The following EPHA3 variants were observed in gnomAD, a reference collection of about 807,000 sequenced individuals.
The protein encoded by EPHA3 is ephrin type-A receptor 3.
EPHA3 carries 42 observed loss-of-function variants against 107.1 expected under a neutral mutation model. The ratio of observed to expected loss-of-function variants is 0.39; its 90% CI spans 0.31 to 0.51. EPHA3 has a LOEUF of 0.51. EPHA3 is among the 20% of genes least tolerant of loss of function. EPHA3 has a pLI of 0.78. For synonymous variants in EPHA3, 461 were observed against 424.8 expected (o/e 1.09, Z -1.05); for missense variants, 1,183 against 1,211.2 (o/e 0.98, Z 0.35).
intron 3 of EPHA3, among the ~76,000 whole-genome samples, chr3:89,282,171 T>TTC (rs1389035823): frequency 1.3e-5 from 2 of 152,142 alleles, no homozygotes; most frequent in African/African-American, 4.8e-5. Flanking sequence ...TTTCTGACAT[T>TTC]TCTCATGCTT....
chr3:89,206,041 G>C (rs1423177632), intron 2 of EPHA3, among the ~76,000 whole-genome samples: 2 of 152,032 alleles, frequency 1.3e-5, no homozygotes, highest in African/African-American at 4.8e-5. Flanking sequence ...TATTTCTACT[G>C]TCTTTAGTCC....
chr3:89,348,413 G>T (rs1707725855), intron 5 of EPHA3, among the ~76,000 whole-genome samples: 1 of 108,586 alleles, frequency 9.2e-6, no homozygotes, highest in Non-Finnish European at 1.8e-5. Context: ...AGAGGTGTTT[G>T]TAGTATTCTC....
chr3:89,428,156 G>A (rs1209273655), intron 11 of EPHA3, among the ~76,000 whole-genome samples: 2 of 151,854 alleles, frequency 1.3e-5, no homozygotes, highest in Non-Finnish European at 1.5e-5. Flanking sequence ...TAGCACCTTT[G>A]TGTCTGATGC....
chr3:89,239,805 C>A (rs550344809), intron 3 of EPHA3, among the ~76,000 whole-genome samples: 117 of 152,336 alleles, frequency 7.7e-4, no homozygotes, highest in African/African-American at 2.8e-3. Context: ...GCCTTTCTGA[C>A]TTACATCACA....
chr3:89,378,268 T>A (rs542580922), intron 5 of EPHA3, among the ~76,000 whole-genome samples: 27 of 152,194 alleles, frequency 1.8e-4, no homozygotes, highest in East Asian at 7.7e-4. Flanking sequence ...TAATAAAAAA[T>A]TTTTTAAGTG....
At chr3:89,182,535 G>T (rs959162373) in intron 2 of EPHA3, among the ~76,000 whole-genome samples, 1 of 151,486 alleles carries the variant, frequency 6.6e-6, no homozygotes, top group Non-Finnish European at 1.5e-5. Flanking sequence ...ATTTACAAAA[G>T]GTATGCCTTA....
chr3:89,374,705 CA>C (rs1708369396), intron 5 of EPHA3, among the ~76,000 whole-genome samples: 1 of 151,428 alleles, frequency 6.6e-6, no homozygotes, highest in Non-Finnish European at 1.5e-5. Flanking sequence ...GTTTGAGGGC[CA>C]ATTGTCATGA....
intron 5 of EPHA3, among the ~76,000 whole-genome samples, chr3:89,380,062 G>A (rs1478077323): frequency 6.6e-6 from 1 of 152,118 alleles, no homozygotes; most frequent in Admixed American, 6.5e-5. Context: ...TAGGCCATAT[G>A]TTAAGCAATA....
intron 5 of EPHA3, among the ~76,000 whole-genome samples, chr3:89,356,614 C>T (rs1177415612): frequency 3.3e-5 from 5 of 151,072 alleles, no homozygotes; most frequent in East Asian, 1.9e-4. Flanking sequence ...ATCTATAATG[C>T]GTGACAATCC....
intron 3 of EPHA3, among the ~76,000 whole-genome samples, chr3:89,330,268 T>C (rs1707257229): frequency 6.6e-6 from 1 of 152,046 alleles, no homozygotes; most frequent in Non-Finnish European, 1.5e-5. Context: ...ACACTAACTC[T>C]TACTTTATTT....
chr3:89,139,977 C>T (rs752728532), intron 2 of EPHA3, among the ~76,000 whole-genome samples: 40 of 151,820 alleles, frequency 2.6e-4, no homozygotes, highest in Non-Finnish European at 5.5e-4. Flanking sequence ...AATAGAGCTA[C>T]TTTTCTCAGC....
intron 13 of EPHA3, among the ~76,000 whole-genome samples, chr3:89,444,277 G>A (rs1015592573): frequency 6.6e-6 from 1 of 152,108 alleles, no homozygotes; most frequent in African/African-American, 2.4e-5. Context: ...TAAAGAGTTT[G>A]AAACTACAAT....
chr3:89,219,695 T>TTTTG (rs1559606315), intron 3 of EPHA3, among the ~76,000 whole-genome samples: 712 of 12,288 alleles, frequency 0.058, 121 homozygotes, highest in African/African-American at 0.15. Flanking sequence ...AATGTTTTTT[T>TTTTG]TTTTTTTGTT....
chr3:89,414,226 A>T (rs1446563459), intron 10 of EPHA3, among the ~76,000 whole-genome samples: 1 of 151,690 alleles, frequency 6.6e-6, no homozygotes, highest in Non-Finnish European at 1.5e-5. Flanking sequence ...CTGAAAAATC[A>T]AGCAGTAGTT....
intron 14 of EPHA3, 92 bp downstream of exon 14, chr3:89,449,466 T>C (rs1709944477): frequency 1.7e-6 from 2 of 1,161,840 alleles, no homozygotes; most frequent in Admixed American, 2.5e-5. Flanking sequence ...TGGCTCCTGG[T>C]TTATAACACT....
chr3:89,131,077 A>G lies in EPHA3; in HGVS notation c.153+3804A>G, dbSNP rs116581662. The stretch of plus-strand genomic sequence containing the variant: ...ATTTAATGAAACTTTAATTTTCTCT[A>G]AATGAAGGTCATGAAAATAATACTC... On this transcript the variant is annotated intron_variant, in intron 2 of 16. Transcript: ENST00000336596. Among the ~76,000 whole-genome samples, 889 of 152,344 alleles carry G rather than the reference A, an allele frequency of 5.8e-3. 7 individuals are homozygous for G. Among genetic ancestry groups the G allele is most frequent in the African/African-American group, 0.02 (832 of 41,588 alleles).
intron 3 of EPHA3, among the ~76,000 whole-genome samples, chr3:89,317,187 A>T (rs1319278461): frequency 6.6e-6 from 1 of 151,888 alleles, no homozygotes; most frequent in Non-Finnish European, 1.5e-5. Context: ...AATCAGATTA[A>T]AATAGTTCAA....
chr3:89,134,024 ATT>A lies in EPHA3; in HGVS notation c.153+6765_153+6766del, dbSNP rs58260720. On this transcript the variant is annotated intron_variant, in intron 2 of 16. Coordinates refer to ENST00000336596, the MANE Select transcript of EPHA3 (RefSeq NM_005233.6). ...TCAGAAAATGACACTTCAAAACAAC[ATT>A]TTTTTTTTTTTTTACTTTCGCTCAG... 2.5e-4 allele frequency among the ~76,000 whole-genome samples: 36 copies of A among 143,890 alleles called. 2 individuals are homozygous for A. The highest frequency in any genetic ancestry group is 3.6e-4 in the African/African-American group (14 of 39,262). The allele number at this position is 143,890 out of a possible 152,430, so 94.4% of individuals were successfully genotyped here.
At chr3:89,476,147 A>ATATATAATGTTTATATATT (rs1559710215) in intron 16 of EPHA3, among the ~76,000 whole-genome samples, 1 of 147,362 alleles carries the variant, frequency 6.8e-6, no homozygotes, top group Non-Finnish European at 1.5e-5. Context: ...TATTATATAT[A>ATATATAATGTTTATATATT]ATATATAATG....
Sources: gnomAD v4.1 joint callset for allele counts (sites outside exome capture counted in the v4.1 genomes callset) on GRCh38, gnomAD v4.1.1 for gene constraint, MANE v1.5 for transcripts, NCBI Gene and HGNC (gene_info 2026-07-23, HGNC 2026-07-21) for gene names.